The following CPD variants were observed in gnomAD, a reference collection of about 807,000 sequenced individuals.
CPD encodes carboxypeptidase D, also known as metallocarboxypeptidase D.
In CPD, 69 loss-of-function variants were observed where a neutral mutation model predicts 138.3. The ratio of observed to expected loss-of-function variants is 0.50; its 90% confidence interval spans 0.41 to 0.61. The LOEUF is 0.61. CPD is among the 20% of genes least tolerant of loss of function. The probability of loss-of-function intolerance (pLI) is 0.00; values close to 1 mark genes in which losing one functional copy is unlikely to be tolerated. For missense variants in CPD, 1,432 were observed against 1,733.3 expected (o/e 0.83, Z 3.09); for synonymous variants, 651 against 642.1 (o/e 1.01, Z -0.21).
chr17:30,426,179 G>C (rs1458578924), intron 6 of CPD, among the ~76,000 whole-genome samples: 1 of 142,124 alleles, frequency 7.0e-6, no homozygotes, highest in African/African-American at 2.7e-5. Flanking sequence ...CAGCCTGGGC[G>C]ACAAGGCGAG....
chr17:30,425,673 CAAAT>C (rs1275044073), intron 6 of CPD, among the ~76,000 whole-genome samples: 4 of 129,106 alleles, frequency 3.1e-5, no homozygotes, highest in Admixed American at 7.6e-5. Flanking sequence ...AAAAAAAAAA[CAAAT>C]AGAGTTCCCC....
At chr17:30,452,838 A>G (rs1162416730) in intron 14 of CPD, among the ~76,000 whole-genome samples, 1 of 151,828 alleles carries the variant, frequency 6.6e-6, no homozygotes, top group South Asian at 2.1e-4. Context: ...ATGGCTGGGG[A>G]GGTTTCACAA....
chr17:30,421,854 G>T lies in CPD; in HGVS notation c.1307+21G>T, dbSNP rs147112544. The T allele has an allele frequency of 4.1e-4, 635 of 1,552,216 alleles. 3 individuals carry two copies. In the East Asian group the frequency reaches 0.011, roughly 26 times the overall value. ...ACTGGGTAAGAATTTAAACTATGTAGACTCTTAGTTAAAATGTCAAGTCTC... is the reference window on the plus strand; with the variant it reads ...ACTGGGTAAGAATTTAAACTATGTATACTCTTAGTTAAAATGTCAAGTCTC... On this transcript the variant is annotated intron_variant, in intron 4 of 20. Coordinates refer to ENST00000225719, the MANE Select transcript of CPD (RefSeq NM_001304.5).
intron 6 of CPD, among the ~76,000 whole-genome samples, chr17:30,424,973 C>G (rs113150358): frequency 0.012 from 1,861 of 152,256 alleles, 38 homozygotes; most frequent in African/African-American, 0.042. Flanking sequence ...CAAATAGGCA[C>G]AAGATCTTAC....
chr17:30,459,802 A>C (rs1030890748), intron 17 of CPD, among the ~76,000 whole-genome samples: 2 of 152,080 alleles, frequency 1.3e-5, no homozygotes, highest in Non-Finnish European at 2.9e-5. Context: ...TTAATTTCTG[A>C]CAGCATTTTA....
intron 2 of CPD, among the ~76,000 whole-genome samples, chr17:30,408,842 A>G (rs999201920): frequency 1.3e-5 from 2 of 152,070 alleles, no homozygotes; most frequent in South Asian, 2.1e-4. Flanking sequence ...TTCCAACACT[A>G]TGTTGAACAG....
At chr17:30,442,234 A>G in intron 9 of CPD, 74 bp from the exon 10 acceptor site, 2 of 1,460,232 alleles carry the variant, frequency 1.4e-6, no homozygotes, top group Non-Finnish European at 1.9e-6. Flanking sequence ...TTTACTAGGA[A>G]TGTTGCTTAC....
Position 30,444,516 on chromosome 17 carries a change from C to CTT in CPD, c.2543+570_2543+571dup, listed in dbSNP as rs34419729. 1.7e-3 allele frequency among the ~76,000 whole-genome samples: 203 copies of CTT among 120,866 alleles called. 4 individuals carry two copies. The highest frequency in any genetic ancestry group is 0.015 in the East Asian group (56 of 3,782). 79.3% of individuals were successfully genotyped at this position (120,866 alleles called of 152,430 possible). On this transcript the variant is annotated intron_variant, in intron 11 of 20. Transcript: ENST00000225719. ...TGCAGTCTATTTAACATGCTAGTAA[C>CTT]TTTTTTTTTTTTTTTTTTTTTTTTT...
chr17:30,452,619 A>T (rs1045263272), intron 14 of CPD, among the ~76,000 whole-genome samples: 4 of 144,826 alleles, frequency 2.8e-5, no homozygotes, highest in African/African-American at 1.0e-4. Context: ...CTATGACAGT[A>T]CTCTTAATTT....
intron 11 of CPD, 127 bp from the exon 12 acceptor site, chr17:30,445,564 T>G (rs1257608981): frequency 6.9e-6 from 4 of 577,586 alleles, no homozygotes; most frequent in African/African-American, 5.6e-5. Context: ...ACGTTAAAAT[T>G]TTGTCTCTTT....
At chr17:30,406,804 T>A (rs1235997290) in intron 2 of CPD, among the ~76,000 whole-genome samples, 1 of 152,052 alleles carries the variant, frequency 6.6e-6, no homozygotes, top group Non-Finnish European at 1.5e-5. Flanking sequence ...GCCCTGAAAT[T>A]GTTATTATTA....
chr17:30,455,498 A>G, intron 15 of CPD, 28 bp downstream of exon 15: 1 of 1,598,734 alleles, frequency 6.3e-7, no homozygotes, highest in Non-Finnish European at 8.5e-7. Flanking sequence ...TTATATATAT[A>G]CTGTTTAAGC....
chr17:30,391,694 C>T (rs530725938), intron 2 of CPD, among the ~76,000 whole-genome samples: 4 of 151,956 alleles, frequency 2.6e-5, no homozygotes, highest in Non-Finnish European at 5.9e-5. Flanking sequence ...GGGTGAGAGA[C>T]AAATTAATGA....
intron 1 of CPD, among the ~76,000 whole-genome samples, chr17:30,383,060 G>A (rs1049849892): frequency 1.2e-4 from 18 of 152,200 alleles, no homozygotes; most frequent in South Asian, 2.1e-4. Context: ...AGAGTAAATT[G>A]TTAATACCTT....
chr17:30,434,323 A>G (rs1002257471), intron 8 of CPD, among the ~76,000 whole-genome samples: 2 of 152,198 alleles, frequency 1.3e-5, no homozygotes, highest in East Asian at 3.9e-4. Flanking sequence ...AGCATGATCT[A>G]TCATGCACCT....
intron 2 of CPD, among the ~76,000 whole-genome samples, chr17:30,411,834 T>C (rs574468066): frequency 1.3e-5 from 2 of 152,220 alleles, no homozygotes; most frequent in African/African-American, 2.4e-5. Context: ...AGTTTGTTAT[T>C]ACCAACCTTC....
intron 2 of CPD, among the ~76,000 whole-genome samples, chr17:30,392,386 A>G (rs568634577): frequency 6.6e-6 from 1 of 152,282 alleles, no homozygotes; most frequent in South Asian, 2.1e-4. Flanking sequence ...ACTCTGAGTA[A>G]ATAAGCTTGC....
intron 2 of CPD, among the ~76,000 whole-genome samples, chr17:30,394,929 G>A (rs896419384): frequency 2.0e-5 from 3 of 151,072 alleles, no homozygotes; most frequent in African/African-American, 4.9e-5. Context: ...GTGTGTGTTC[G>A]TTCAGGTGAA....
chr17:30,388,148 GC>G, intron 2 of CPD, among the ~76,000 whole-genome samples: 1 of 152,300 alleles, frequency 6.6e-6, no homozygotes. Flanking sequence ...CTCTGACTGA[GC>G]CCAGGGCTTT....
Sources: gnomAD v4.1 joint callset for allele counts (sites outside exome capture counted in the v4.1 genomes callset) on GRCh38, gnomAD v4.1.1 for gene constraint, MANE v1.5 for transcripts, NCBI Gene and HGNC (gene_info 2026-07-23, HGNC 2026-07-21) for gene names.